WSCD2: variants seen among roughly 807,000 people sequenced by gnomAD.
WSCD2 encodes the protein WSC domain sialate O sulfotransferase 2.
WSCD2 carries 28 observed loss-of-function variants against 55.7 expected under a neutral mutation model. The observed-to-expected ratio is 0.50, with a 90% confidence interval of 0.37 to 0.69. The LOEUF is 0.69. Among genes scored for constraint, WSCD2 ranks in the 30% least tolerant of loss-of-function variants. WSCD2 has a pLI of 0.00. For missense variants in WSCD2, 616 were observed against 762.1 expected (o/e 0.81, Z 2.26); for synonymous variants, 301 against 301.9 (o/e 1.00, Z 0.03).
In WSCD2 at chr12:108,240,445, C is replaced by T. The variant is rs1889637158; in HGVS notation, c.1246C>T (p.Leu416=). ...GATCGAGGCCTTCGACGCCGCCATCCTGCTCATCCGCAACCCCTACAAAGC... is the reference window on the plus strand; with the variant it reads ...GATCGAGGCCTTCGACGCCGCCATCTTGCTCATCCGCAACCCCTACAAAGC... The part of the protein sequence containing the change: ...KEIEAFDAAI[L]LIRNPYKALM... Residue 416 remains leucine, a synonymous_variant, in exon 8 of 9, where the codon CTG becomes TTG. Coordinates refer to ENST00000547525, the MANE Select transcript of WSCD2 (RefSeq NM_014653.4). The T allele has an allele frequency of 2.5e-6, 4 of 1,614,030 alleles. No individual in the cohort carries two copies. In the African/African-American group the frequency reaches 5.3e-5, roughly 22 times the overall value.
intron 4 of WSCD2, among the ~76,000 whole-genome samples, chr12:108,211,231 G>A (rs1317580154): frequency 2.6e-5 from 4 of 152,276 alleles, no homozygotes; most frequent in Non-Finnish European, 5.9e-5. Context: ...AAAGATGGGG[G>A]GTGCTGACCT....
chr12:108,139,243 G>T (rs1357923661), intron 1 of WSCD2, among the ~76,000 whole-genome samples: 2 of 152,170 alleles, frequency 1.3e-5, no homozygotes, highest in African/African-American at 4.8e-5. Context: ...TTTGATAGTT[G>T]CATGGGATGG....
intron 6 of WSCD2, among the ~76,000 whole-genome samples, chr12:108,228,413 C>T (rs1045309297): frequency 5.3e-5 from 8 of 152,310 alleles, no homozygotes; most frequent in South Asian, 2.1e-4. Flanking sequence ...CACAGTTATA[C>T]ATCTACAAAA....
chr12:108,241,559 A>G (rs1889748083), intron 8 of WSCD2, among the ~76,000 whole-genome samples: 1 of 152,168 alleles, frequency 6.6e-6, no homozygotes, highest in African/African-American at 2.4e-5. Flanking sequence ...TAAGGGGGAT[A>G]TAGGGGGTTG....
intron 3 of WSCD2, among the ~76,000 whole-genome samples, chr12:108,207,472 C>T (rs1885544581): frequency 6.6e-6 from 1 of 150,802 alleles, no homozygotes; most frequent in Non-Finnish European, 1.5e-5. Flanking sequence ...CGGGTTCAAG[C>T]AATTCTCCTG....
intron 7 of WSCD2, among the ~76,000 whole-genome samples, chr12:108,235,550 A>AT (rs143759796): frequency 2.6e-5 from 4 of 151,744 alleles, no homozygotes; most frequent in African/African-American, 9.7e-5. Context: ...CCAAAAATTC[A>AT]TTTTTTTCCT....
chr12:108,197,367 T>G (rs757310018), intron 2 of WSCD2, among the ~76,000 whole-genome samples: 1 of 151,200 alleles, frequency 6.6e-6, no homozygotes, highest in Non-Finnish European at 1.5e-5. Context: ...CTCAGGAATT[T>G]CCTAGACTTC....
chr12:108,195,608 C>T lies in WSCD2; in HGVS notation c.-225C>T, dbSNP rs1309652496. 8.4e-6 allele frequency: 5 copies of T among 597,772 alleles called. No individual in the cohort carries two copies. The highest frequency in any genetic ancestry group is 1.1e-5 in the Non-Finnish European group (4 of 357,114). The allele number at this position is 597,772 out of a possible 1,614,324, so 37.0% of individuals were successfully genotyped here. On this transcript the variant is annotated 5_prime_UTR_variant, in exon 2 of 9. Transcript: ENST00000547525. ...CCCCTTGTTGGCCCAAAGAAGCTCA[C>T]CTTCAGTTTGGGAGGGCTGGTAAGC...
intron 1 of WSCD2, among the ~76,000 whole-genome samples, chr12:108,190,097 T>C (rs541140153): frequency 6.6e-6 from 1 of 152,310 alleles, no homozygotes; most frequent in East Asian, 1.9e-4. Context: ...ACTCTATAGA[T>C]GGGGAAACTG....
chr12:108,139,219 A>G (rs528800577), intron 1 of WSCD2, among the ~76,000 whole-genome samples: 3 of 152,356 alleles, frequency 2.0e-5, no homozygotes, highest in Admixed American at 6.5e-5. Context: ...TTGGAGGTCT[A>G]TCTCCAAATA....
chr12:108,146,540 G>A (rs1592883000), intron 1 of WSCD2, among the ~76,000 whole-genome samples: 2 of 152,340 alleles, frequency 1.3e-5, no homozygotes, highest in South Asian at 4.1e-4. Context: ...TAAAACCTGG[G>A]GAGAAGCATT....
chr12:108,217,501 T>C (rs1886980355), intron 4 of WSCD2, among the ~76,000 whole-genome samples: 1 of 152,116 alleles, frequency 6.6e-6, no homozygotes, highest in Admixed American at 6.5e-5. Flanking sequence ...ACCAAGACAG[T>C]GGAGAGCCAC....
At chr12:108,217,735 C>T (rs2137132103) in intron 4 of WSCD2, among the ~76,000 whole-genome samples, 1 of 152,308 alleles carries the variant, frequency 6.6e-6, no homozygotes, top group Middle Eastern at 3.4e-3. Context: ...ACTTATCCCC[C>T]TCACTGCACC....
At chr12:108,220,988 C>T (rs561151265) in intron 4 of WSCD2, among the ~76,000 whole-genome samples, 1 of 152,298 alleles carries the variant, frequency 6.6e-6, no homozygotes, top group South Asian at 2.1e-4. Flanking sequence ...CCTCAGCCTC[C>T]TCAGTTTTCT....
intron 8 of WSCD2, among the ~76,000 whole-genome samples, chr12:108,244,104 T>A (rs1166565954): frequency 6.6e-6 from 1 of 152,136 alleles, no homozygotes; most frequent in African/African-American, 2.4e-5. Context: ...GTTCTTTCCA[T>A]CAACAAGAAG....
chr12:108,180,630 G>T (rs1289543755), intron 1 of WSCD2, among the ~76,000 whole-genome samples: 1 of 152,232 alleles, frequency 6.6e-6, no homozygotes, highest in Non-Finnish European at 1.5e-5. Flanking sequence ...GGAACAGAAA[G>T]CTCAGTCCAC....
intron 8 of WSCD2, 88 bp downstream of exon 8, chr12:108,240,632 AC>A: frequency 6.9e-7 from 1 of 1,444,762 alleles, no homozygotes; most frequent in Non-Finnish European, 9.3e-7. Context: ...GACCAGCGTG[AC>A]CAGCAGGAGG....
chr12:108,210,082 A>G lies in WSCD2; in HGVS notation c.498-39A>G, dbSNP rs370339014. ...TGTGTCTCCCTGCCTCGGGGTCTCC[A>G]TGGTGGCAGCTACCCTGCTTGACAG... On this transcript the variant is annotated intron_variant, in intron 3 of 8. Coordinates refer to ENST00000547525, the MANE Select transcript of WSCD2 (RefSeq NM_014653.4). This position sits in a 1 kb window ranked among gnomAD's most constrained non-coding sequence, Gnocchi z 4.3. 28 of 1,613,344 alleles carry G rather than the reference A, an allele frequency of 1.7e-5. No homozygotes were observed. Among genetic ancestry groups the G allele is most frequent in the Non-Finnish European group, 2.2e-5 (26 of 1,179,738 alleles).
chr12:108,189,184 G>A (rs1169470573), intron 1 of WSCD2, among the ~76,000 whole-genome samples: 1 of 152,118 alleles, frequency 6.6e-6, no homozygotes, highest in African/African-American at 2.4e-5. Context: ...GAATACCACT[G>A]ATAAGTAGTT....
Sources: gnomAD v4.1 joint callset for allele counts (sites outside exome capture counted in the v4.1 genomes callset) on GRCh38, gnomAD v4.1.1 for gene constraint, Gnocchi (gnomAD v3.1) non-coding constraint, MANE v1.5 for transcripts, NCBI Gene and HGNC (gene_info 2026-07-23, HGNC 2026-07-21) for gene names.